NFATC3: variants seen among roughly 807,000 people sequenced by gnomAD.
NFATC3 encodes the protein nuclear factor of activated T cells 3, also known as nuclear factor of activated T-cells, cytoplasmic 3.
A neutral mutation model predicts 98.6 loss-of-function variants in NFATC3; 46 were observed. That is an observed-to-expected ratio of 0.47 (90% CI 0.37 to 0.60). NFATC3 has a LOEUF of 0.60. Ranked by LOEUF, NFATC3 falls within the 20% of genes least tolerant of loss-of-function variation. The probability of loss-of-function intolerance (pLI) is 0.00; values close to 1 mark genes in which losing one functional copy is unlikely to be tolerated. For synonymous variants in NFATC3, 512 were observed against 472.2 expected, an observed-to-expected ratio of 1.08 and a Z score of -1.09; for missense variants, 1,256 against 1,295.5, an observed-to-expected ratio of 0.97 and a Z score of 0.47.
rs537441591 is a variant in NFATC3, at chr16:68,218,786, A to G, written c.3107-7564A>G. Among the ~76,000 whole-genome samples the G allele has an allele frequency of 1.7e-4, 26 of 150,916 alleles. No homozygotes were observed. In the South Asian group the frequency reaches 5.3e-3, roughly 31 times the overall value. The stretch of plus-strand genomic sequence containing the variant: ...ACGGGGTTTCACCATGTTAGCCAGG[A>G]TGGTCCCAATCTCCTGACCTCATGA... On this transcript the variant is annotated intron_variant, in intron 9 of 9. Transcript: ENST00000346183.
In NFATC3 at chr16:68,183,246, A is replaced by G; in HGVS notation, c.1978A>G (p.Ile660Val). Residue 660 changes from isoleucine (I) to valine (V), a missense_variant, in exon 8 of 10, where the codon ATT becomes GTT. Transcript: ENST00000346183. ...TCTTGCTTTCCATCCTTAGGCTCAC[A>G]TTGTCCTTGAAGTTCCTCCATATCA... Reference protein sequence around the residue: ...IIREKCQGAHIVLEVPPYHNP... With the variant: ...IIREKCQGAHVVLEVPPYHNP... 6.3e-7 allele frequency: 1 copy of G among 1,585,400 alleles called. No individual in the cohort carries two copies. The highest frequency in any genetic ancestry group is 1.2e-5 in the South Asian group (1 of 85,432).
Position 68,190,835 on chromosome 16 carries a change from T to G in NFATC3, c.2166T>G (p.His722Gln). ...LSSVPSLPVPHPAQTQRPSSD... is the reference protein window; with the variant it reads ...LSSVPSLPVPQPAQTQRPSSD... The stretch of plus-strand genomic sequence containing the variant: ...CAGTTCCATCTTTGCCTGTGCCTCA[T>G]CCTGCTCAGACCCAGAGGCCTTCCT... The change falls in exon 9 of 10, where the codon CAT becomes CAG. Residue 722 changes from histidine to glutamine, a missense_variant. Physicochemically the swap from His to Gln is conservative, Grantham distance 24 (BLOSUM62 0). Transcript: ENST00000346183. 6.2e-7 allele frequency: 1 copy of G among 1,614,230 alleles called. No homozygotes were observed. Among genetic ancestry groups the G allele is most frequent in the Non-Finnish European group, 8.5e-7 (1 of 1,180,034 alleles).
At chr16:68,104,781 A>G (rs1349723468) in intron 1 of NFATC3, among the ~76,000 whole-genome samples, 14 of 151,588 alleles carry the variant, frequency 9.2e-5, no homozygotes, top group African/African-American at 3.4e-4. Flanking sequence ...CAGCCTCCCA[A>G]GTAGCTGGGA....
In NFATC3 at chr16:68,228,401, G is replaced by C. The variant is rs1445913322; in HGVS notation, c.*1930G>C. On this transcript the variant is annotated 3_prime_UTR_variant, in exon 10 of 10. Transcript: ENST00000346183. ...GACTTGCCCCTACCCTTTTGCCCCT[G>C]GTGTAGCTGCCTCACATGAGGTTAT... 6.6e-6 allele frequency: 1 copy of C among 152,168 alleles called. No individual in the cohort carries two copies. Among genetic ancestry groups the C allele is most frequent in the Admixed American group, 6.5e-5 (1 of 15,268 alleles). 9.4% of individuals were successfully genotyped at this position (152,168 alleles called of 1,614,324 possible). A position where few individuals can be genotyped will look rare whatever the true frequency, so the allele number is the denominator to read the frequency against.
chr16:68,163,738 C>T (rs1273906380), intron 4 of NFATC3, among the ~76,000 whole-genome samples: 1 of 151,134 alleles, frequency 6.6e-6, no homozygotes, highest in Admixed American at 6.6e-5. Context: ...CGCGGCTGGG[C>T]AGAGGCGCTC....
At chr16:68,121,459 A>T (rs2036578617) in intron 1 of NFATC3, among the ~76,000 whole-genome samples, 1 of 150,998 alleles carries the variant, frequency 6.6e-6, no homozygotes, top group Non-Finnish European at 1.5e-5. Context: ...AGGTGGGAGG[A>T]TAGCTTGAGC....
chr16:68,167,810 C>CCTT (rs2039270785), intron 5 of NFATC3, among the ~76,000 whole-genome samples: 3 of 23,920 alleles, frequency 1.3e-4, no homozygotes, highest in East Asian at 3.8e-3. Context: ...CGTATGTGTT[C>CCTT]TTTTTTTTTT....
rs149435580 is a variant in NFATC3, at chr16:68,138,524, G to A, written c.1401+11914G>A. 51 of 1,282,908 alleles carry A rather than the reference G, an allele frequency of 4.0e-5. No individual in the cohort carries two copies. In the African/African-American group the frequency reaches 5.3e-4, roughly 13 times the overall value. The allele number at this position is 1,282,908 out of a possible 1,614,324, so 79.5% of individuals were successfully genotyped here. On this transcript the variant is annotated intron_variant, in intron 3 of 9. Coordinates refer to ENST00000346183, the MANE Select transcript of NFATC3 (RefSeq NM_173165.3). Reference sequence around the variant, plus strand: ...ATTGTTGCTCAGGAATCCAAGATACGTTCATCTTTTGATGTCGTCTTTGAT... The same window carrying A: ...ATTGTTGCTCAGGAATCCAAGATACATTCATCTTTTGATGTCGTCTTTGAT...
At chr16:68,179,931 T>C (rs983276240) in intron 6 of NFATC3, among the ~76,000 whole-genome samples, 1 of 152,224 alleles carries the variant, frequency 6.6e-6, no homozygotes, top group South Asian at 2.1e-4. Flanking sequence ...AGGAAATGTA[T>C]AGACCCTTGG....
intron 1 of NFATC3, among the ~76,000 whole-genome samples, chr16:68,112,798 T>C (rs1598384179): frequency 6.6e-6 from 1 of 151,984 alleles, no homozygotes; most frequent in South Asian, 2.1e-4. Context: ...TTTTTTTTTT[T>C]TCTCTAACCT....
chr16:68,176,087 C>T lies in NFATC3; in HGVS notation c.1915+1573C>T, dbSNP rs186255772. Reference sequence around the variant, plus strand: ...TCCACCTCCGTGTTCAAGCAATTCTCCTGCCTCAGCCTCCCGAGTAGCTGG... The same window carrying T: ...TCCACCTCCGTGTTCAAGCAATTCTTCTGCCTCAGCCTCCCGAGTAGCTGG... On this transcript the variant is annotated intron_variant, in intron 6 of 9. Transcript: ENST00000346183. Among the ~76,000 whole-genome samples, 62 of 152,172 alleles carry T rather than the reference C, an allele frequency of 4.1e-4. No homozygotes were observed. The East Asian group carries it at 7.0e-3, about 17-fold the overall frequency.
At chr16:68,168,781 G>A (rs1340495986) in intron 5 of NFATC3, among the ~76,000 whole-genome samples, 1 of 152,118 alleles carries the variant, frequency 6.6e-6, no homozygotes, top group African/African-American at 2.4e-5. Context: ...ACCGCACCCA[G>A]CCCTGTATTC....
chr16:68,092,658 A>G (rs2034790024), intron 1 of NFATC3, among the ~76,000 whole-genome samples: 1 of 152,140 alleles, frequency 6.6e-6, no homozygotes, highest in African/African-American at 2.4e-5. Context: ...AGTCCCAGCT[A>G]CTTGGAAGTA....
intron 9 of NFATC3, among the ~76,000 whole-genome samples, chr16:68,201,413 T>C (rs771853586): frequency 6.6e-6 from 1 of 151,270 alleles, no homozygotes; most frequent in Non-Finnish European, 1.5e-5. Flanking sequence ...TGGGGGGTTT[T>C]TTGTTTGTTT....
intron 3 of NFATC3, among the ~76,000 whole-genome samples, chr16:68,143,378 G>A (rs1028762041): frequency 2.6e-5 from 4 of 152,108 alleles, no homozygotes; most frequent in Non-Finnish European, 4.4e-5. Flanking sequence ...ATAGGTAATA[G>A]TAACTCTATG....
At chr16:68,115,277 T>G (rs2151489371) in intron 1 of NFATC3, among the ~76,000 whole-genome samples, 1 of 152,270 alleles carries the variant, frequency 6.6e-6, no homozygotes, top group East Asian at 1.9e-4. Context: ...TTGTCCAGGC[T>G]GGTCTCGAAC....
At position 68,191,693 on chromosome 16, in the gene NFATC3, A is replaced by G; in HGVS notation, c.3024A>G (p.Ala1008=). ...CAGCGTCATTTCCACCTGATGGGGC[A>G]ACTGTGAGCATTAAACCTGAACCAG... ...CDPASFPPDG[A]TVSIKPEPED... Residue 1008 remains alanine, a synonymous_variant, in exon 9 of 10, where the codon GCA becomes GCG. Coordinates refer to ENST00000346183, the MANE Select transcript of NFATC3 (RefSeq NM_173165.3). 4 of 1,614,186 alleles carry G rather than the reference A, an allele frequency of 2.5e-6. No homozygotes were observed. Among genetic ancestry groups the G allele is most frequent in the Non-Finnish European group, 3.4e-6 (4 of 1,180,044 alleles).
At chr16:68,153,971 T>G (rs1346622914) in intron 3 of NFATC3, among the ~76,000 whole-genome samples, 2 of 152,008 alleles carry the variant, frequency 1.3e-5, no homozygotes, top group East Asian at 3.9e-4. Flanking sequence ...GGCTGGAGTT[T>G]AGTGGCATAA....
intron 4 of NFATC3, among the ~76,000 whole-genome samples, chr16:68,163,830 T>C (rs1288022395): frequency 2.7e-5 from 4 of 146,560 alleles, no homozygotes; most frequent in South Asian, 4.5e-4. Context: ...CGCTCCTCAC[T>C]TCCTAGATGG....
Sources: allele counts gnomAD v4.1 joint callset (sites outside exome capture counted in the v4.1 genomes callset), GRCh38; gene constraint gnomAD v4.1.1; transcripts MANE v1.5; gene names NCBI Gene and HGNC (gene_info 2026-07-23, HGNC 2026-07-21).